The following NRXN3 variants were observed in gnomAD, a reference collection of about 807,000 sequenced individuals.
NRXN3 encodes the protein neurexin 3, also known as neurexin III.
Under a neutral mutation model 137.6 loss-of-function variants are expected in NRXN3, and 32 were observed. That is an observed-to-expected ratio of 0.23 (90% CI 0.18 to 0.31). The LOEUF (loss-of-function observed/expected upper bound fraction) is 0.31, where lower values mean the gene tolerates loss of function less well. Among genes scored for constraint, NRXN3 ranks in the 10% least tolerant of loss-of-function variants. NRXN3 has a pLI of 1.00. For missense variants in NRXN3, 1,574 were observed against 2,062.5 expected (o/e 0.76, Z 4.59); for synonymous variants, 798 against 784.5 (o/e 1.02, Z -0.29).
intron 15 of NRXN3, among the ~76,000 whole-genome samples, chr14:79,317,804 A>G (rs1223704741): frequency 6.6e-6 from 1 of 152,222 alleles, no homozygotes; most frequent in Admixed American, 6.5e-5. Context: ...AGTCTGTTTC[A>G]TAGCACATTT....
At chr14:78,559,918 T>G (rs1184346922) in intron 4 of NRXN3, among the ~76,000 whole-genome samples, 1 of 152,230 alleles carries the variant, frequency 6.6e-6, no homozygotes, top group Non-Finnish European at 1.5e-5. Flanking sequence ...AGTGATTATT[T>G]GTGTACTTGT....
chr14:79,239,756 G>A (rs2073976962), intron 15 of NRXN3, among the ~76,000 whole-genome samples: 1 of 152,100 alleles, frequency 6.6e-6, no homozygotes. Flanking sequence ...CAACCTAAGT[G>A]TTCATCAGAG....
At chr14:78,898,691 GT>G (rs2099186090) in intron 10 of NRXN3, among the ~76,000 whole-genome samples, 2 of 151,040 alleles carry the variant, frequency 1.3e-5, no homozygotes, top group South Asian at 4.2e-4. Context: ...TTTATAACAA[GT>G]TATTTACTTT....
intron 15 of NRXN3, among the ~76,000 whole-genome samples, chr14:79,332,423 C>T (rs554453124): frequency 6.6e-6 from 1 of 152,296 alleles, no homozygotes; most frequent in Admixed American, 6.5e-5. Flanking sequence ...CGCAATACGT[C>T]CTGCGCTGTC....
rs180858771 is a variant in NRXN3 at position 78,972,112 on chromosome 14, A to T, written c.3142+3766A>T. Among the ~76,000 whole-genome samples, 818 of 152,208 alleles carry T rather than the reference A, an allele frequency of 5.4e-3. 5 individuals carry two copies. The highest frequency in any genetic ancestry group is 0.019 in the African/African-American group (780 of 41,540). ...ACCTCTCAATTTAAGCTAGGGTTTT[A>T]AAAAAAATCATACCTGATTTAATAT... On this transcript the variant is annotated intron_variant, in intron 14 of 20. Coordinates refer to ENST00000335750, the MANE Select transcript of NRXN3 (RefSeq NM_001330195.2).
intron 16 of NRXN3, among the ~76,000 whole-genome samples, chr14:79,639,948 G>T (rs866592208): frequency 1.2e-5 from 1 of 85,904 alleles, no homozygotes; most frequent in Non-Finnish European, 3.6e-5. Flanking sequence ...CCAAGAAGTG[G>T]TTTCAGTATA....
At position 79,739,222 on chromosome 14, in the gene NRXN3, G is replaced by A. The variant is rs147476407; in HGVS notation, c.4014+41285G>A. On this transcript the variant is annotated intron_variant, in intron 19 of 20. Transcript: ENST00000335750. ...AAGAGACAGAATAGAAAAATCCAAA[G>A]TCATAGCCTGGAGCTAATACAGTAA... Among the ~76,000 whole-genome samples, 989 of 152,264 alleles carry A rather than the reference G, an allele frequency of 6.5e-3. 4 individuals carry two copies. Among genetic ancestry groups the A allele is most frequent in the Middle Eastern group, 0.014 (4 of 294 alleles).
At chr14:78,368,062 A>C (rs1391393400) in intron 4 of NRXN3, among the ~76,000 whole-genome samples, 1 of 152,222 alleles carries the variant, frequency 6.6e-6, no homozygotes. Context: ...CAAAAATTTT[A>C]CTAATGCTTT....
At chr14:78,610,035 GGAGAGA>G (rs143182887) in intron 4 of NRXN3, among the ~76,000 whole-genome samples, 1 of 148,398 alleles carries the variant, frequency 6.7e-6, no homozygotes. Context: ...AGAGAGGGAG[GGAGAGA>G]GAGAGAGAGA....
rs1566855024 is a variant in NRXN3, at chr14:78,599,803, T to TA, written c.758-45317_758-45316insA. Among the ~76,000 whole-genome samples, 2 of 151,978 alleles carry TA rather than the reference T, an allele frequency of 1.3e-5. 1 individual carries two copies. The highest frequency in any genetic ancestry group is 4.8e-5 in the African/African-American group (2 of 41,366). On this transcript the variant is annotated intron_variant, in intron 4 of 20. Coordinates refer to ENST00000335750, the MANE Select transcript of NRXN3 (RefSeq NM_001330195.2). ...TTCTAAAGTATTTGCTGGGACAGGG[T>TA]TAAATGGATAGGGAAAAAAAGAAAT...
intron 6 of NRXN3, among the ~76,000 whole-genome samples, chr14:78,653,463 C>T (rs2097762281): frequency 1.3e-5 from 2 of 152,156 alleles, no homozygotes; most frequent in Admixed American, 6.6e-5. Context: ...TGTAGTGCAA[C>T]AGTCCTGAGC....
chr14:79,046,547 A>T (rs10142256), intron 15 of NRXN3, among the ~76,000 whole-genome samples: 57,386 of 151,960 alleles, frequency 0.38, 11,313 homozygotes, highest in Admixed American at 0.49. Context: ...CCCTCCCTGT[A>T]TGCTTCTTCC....
At chr14:79,571,329 A>G (rs2097599086) in intron 16 of NRXN3, among the ~76,000 whole-genome samples, 1 of 152,212 alleles carries the variant, frequency 6.6e-6, no homozygotes, top group South Asian at 2.1e-4. Context: ...ATGCATTGAT[A>G]CTGCAAGACA....
In NRXN3 at chr14:78,222,007, G is replaced by A. The variant is rs145284406; in HGVS notation, c.-703-20384G>A. ...ACAAGTGGTAGGTAAGAGCTGTGAA[G>A]AGGAAGAGAGGTGGGGTTGCAGATG... On this transcript the variant is annotated intron_variant, in intron 1 of 20. Coordinates refer to ENST00000335750, the MANE Select transcript of NRXN3 (RefSeq NM_001330195.2). 3.4e-3 allele frequency among the ~76,000 whole-genome samples: 518 copies of A among 152,330 alleles called. 7 individuals carry two copies. The highest frequency in any genetic ancestry group is 0.012 in the African/African-American group (500 of 41,580).
chr14:79,100,555 T>C (rs1286295690), intron 15 of NRXN3, among the ~76,000 whole-genome samples: 5 of 152,112 alleles, frequency 3.3e-5, no homozygotes, highest in Non-Finnish European at 4.4e-5. Flanking sequence ...TTAATAAATA[T>C]CAGCTTTACA....
At chr14:78,627,361 G>C (rs2097475563) in intron 4 of NRXN3, among the ~76,000 whole-genome samples, 1 of 152,092 alleles carries the variant, frequency 6.6e-6, no homozygotes, top group South Asian at 2.1e-4. Flanking sequence ...AGTCATAGAG[G>C]CTACACTGTT....
intron 1 of NRXN3, among the ~76,000 whole-genome samples, chr14:78,211,896 G>A (rs1034836456): frequency 2.0e-5 from 3 of 152,200 alleles, no homozygotes; most frequent in African/African-American, 7.2e-5. Context: ...TCTTTCCATA[G>A]GGATGGAACT....
In NRXN3 at chr14:79,719,589, A is replaced by G. The variant is rs959667912; in HGVS notation, c.4014+21652A>G. Among the ~76,000 whole-genome samples the G allele has an allele frequency of 2.6e-5, 4 of 152,118 alleles. No individual in the cohort carries two copies. The East Asian group carries it at 7.7e-4, about 29-fold the overall frequency. On this transcript the variant is annotated intron_variant, in intron 19 of 20. Coordinates refer to ENST00000335750, the MANE Select transcript of NRXN3 (RefSeq NM_001330195.2). The stretch of plus-strand genomic sequence containing the variant: ...CTCTCACTGATTTTACTTTCTAAAC[A>G]AGGAATATATACGTATTGTAGAAAA...
chr14:78,737,408 A>T (rs11622141), intron 8 of NRXN3, among the ~76,000 whole-genome samples: 24,566 of 152,072 alleles, frequency 0.16, 2,215 homozygotes, highest in South Asian at 0.28. Context: ...CAAGATGAAC[A>T]CTAAAAATCT....
Sources: allele counts gnomAD v4.1 joint callset (sites outside exome capture counted in the v4.1 genomes callset), GRCh38; gene constraint gnomAD v4.1.1; transcripts MANE v1.5; gene names NCBI Gene and HGNC (gene_info 2026-07-23, HGNC 2026-07-21).